The following PTPN13 variants were observed in gnomAD, a reference collection of about 807,000 sequenced individuals.
PTPN13 encodes the protein protein tyrosine phosphatase non-receptor type 13.
In PTPN13, 191 loss-of-function variants were observed where a neutral mutation model predicts 284.0. The ratio of observed to expected loss-of-function variants is 0.67; its 90% CI spans 0.60 to 0.76. The LOEUF (loss-of-function observed/expected upper bound fraction) is 0.76, where lower values mean the gene tolerates loss of function less well. PTPN13 is among the 30% of genes least tolerant of loss of function. The probability of loss-of-function intolerance (pLI) is 0.00; values close to 1 mark genes in which losing one functional copy is unlikely to be tolerated. For missense variants in PTPN13, 2,797 were observed against 2,939.9 expected, an observed-to-expected ratio of 0.95 and a Z score of 1.12; for synonymous variants, 986 against 1,022.3, an observed-to-expected ratio of 0.96 and a Z score of 0.68.
intron 7 of PTPN13, among the ~76,000 whole-genome samples, chr4:86,713,618 C>T (rs1335492406): frequency 2.0e-5 from 3 of 151,980 alleles, no homozygotes; most frequent in Admixed American, 6.6e-5. Flanking sequence ...GTTCACCATA[C>T]ACAAAGCCAG....
At chr4:86,596,263 A>G (rs1763781708) in intron 1 of PTPN13, among the ~76,000 whole-genome samples, 1 of 152,206 alleles carries the variant, frequency 6.6e-6, no homozygotes. Context: ...TTAGAGAATG[A>G]TAGCTTGCTT....
intron 2 of PTPN13, among the ~76,000 whole-genome samples, chr4:86,641,392 C>T (rs186282169): frequency 6.6e-5 from 10 of 152,142 alleles, no homozygotes; most frequent in Admixed American, 5.2e-4. Context: ...AATATGAGTG[C>T]AAGCATGCTA....
intron 1 of PTPN13, among the ~76,000 whole-genome samples, chr4:86,613,431 C>T (rs1025825387): frequency 6.6e-6 from 1 of 151,840 alleles, no homozygotes; most frequent in Non-Finnish European, 1.5e-5. Flanking sequence ...GTCAGGAGAT[C>T]GACATCATCC....
intron 2 of PTPN13, among the ~76,000 whole-genome samples, chr4:86,645,185 G>A (rs977407629): frequency 3.3e-5 from 5 of 152,012 alleles, no homozygotes; most frequent in Non-Finnish European, 7.4e-5. Flanking sequence ...GTTAGGCCCC[G>A]TCTCCAAAAA....
At chr4:86,737,092 C>G (rs185074622) in intron 15 of PTPN13, among the ~76,000 whole-genome samples, 3 of 151,952 alleles carry the variant, frequency 2.0e-5, no homozygotes, top group African/African-American at 7.2e-5. Context: ...TGCAGTTGAG[C>G]TGGGCATAGT....
At chr4:86,624,962 AG>A (rs1484386024) in intron 1 of PTPN13, among the ~76,000 whole-genome samples, 1 of 152,186 alleles carries the variant, frequency 6.6e-6, no homozygotes, top group Non-Finnish European at 1.5e-5. Flanking sequence ...GCACATGGGC[AG>A]GTATATGAAG....
At chr4:86,606,292 G>A (rs972991941) in intron 1 of PTPN13, among the ~76,000 whole-genome samples, 2 of 151,722 alleles carry the variant, frequency 1.3e-5, no homozygotes, top group African/African-American at 4.8e-5. Context: ...TATTTAAAAT[G>A]AGCCACCTAC....
intron 2 of PTPN13, among the ~76,000 whole-genome samples, chr4:86,643,004 C>T (rs1489496221): frequency 1.3e-5 from 2 of 152,066 alleles, no homozygotes; most frequent in African/African-American, 4.8e-5. Context: ...GGAACTGTTG[C>T]TCTCTGCAGA....
rs1446758760 is a variant in PTPN13 at position 86,637,874 on chromosome 4, A to C, written c.115+2503A>C. The stretch of plus-strand genomic sequence containing the variant: ...GAAATAAAGGGTATTCAATTAGGAA[A>C]AGAGGAAGTCAAATTGTCCCTGTTT... On this transcript the variant is annotated intron_variant, in intron 2 of 47. Coordinates refer to ENST00000411767, the MANE Select transcript of PTPN13 (RefSeq NM_080683.3). Among the ~76,000 whole-genome samples, 391 of 150,614 alleles carry C rather than the reference A, an allele frequency of 2.6e-3. 2 individuals carry two copies. Among genetic ancestry groups the C allele is most frequent in the African/African-American group, 9.1e-3 (372 of 40,922 alleles).
intron 1 of PTPN13, among the ~76,000 whole-genome samples, chr4:86,602,532 T>A (rs986636360): frequency 1.3e-5 from 2 of 152,150 alleles, no homozygotes; most frequent in African/African-American, 2.4e-5. Flanking sequence ...TATGGTTTCT[T>A]GTTTCAAAGT....
intron 4 of PTPN13, among the ~76,000 whole-genome samples, chr4:86,688,269 C>T (rs994061627): frequency 1.3e-5 from 2 of 152,072 alleles, no homozygotes; most frequent in Non-Finnish European, 2.9e-5. Flanking sequence ...TTTAAACTCC[C>T]GTCAGCTTGG....
At chr4:86,616,581 G>A (rs1720572039) in intron 1 of PTPN13, among the ~76,000 whole-genome samples, 1 of 152,044 alleles carries the variant, frequency 6.6e-6, no homozygotes, top group Non-Finnish European at 1.5e-5. Context: ...TGAATGGCTT[G>A]GGTCATCCCC....
Position 86,753,007 on chromosome 4 carries a change from AG to A in PTPN13, c.3167del. ...ATGTCTAATATTTAATTTATGCCAC[AG>A]GAATGACTATGCATAGTTCTGGAAA... On this transcript the variant is annotated splice_acceptor_variant, in intron 19 of 47. Transcript: ENST00000411767. LOFTEE classifies it high-confidence loss of function. 6.2e-7 allele frequency: 1 copy of A among 1,600,464 alleles called. No individual in the cohort carries two copies. The highest frequency in any genetic ancestry group is 8.5e-7 in the Non-Finnish European group (1 of 1,170,202).
intron 9 of PTPN13, among the ~76,000 whole-genome samples, chr4:86,718,107 G>A (rs1733232288): frequency 1.3e-5 from 2 of 152,058 alleles, no homozygotes; most frequent in South Asian, 4.1e-4. Context: ...GTATGCCCAG[G>A]TCCCTTACAT....
At chr4:86,758,565 C>G (rs1184420964) in intron 21 of PTPN13, 113 bp from the exon 22 acceptor site, 2 of 1,000,342 alleles carry the variant, frequency 2.0e-6, no homozygotes, top group African/African-American at 3.2e-5. Context: ...ATATGTGTTA[C>G]CTACTAATCA....
Position 86,689,784 on chromosome 4 carries a change from A to G in PTPN13, c.546+594A>G, listed in dbSNP as rs542568273. 2.0e-5 allele frequency: 14 copies of G among 701,478 alleles called. No individual in the cohort carries two copies. In the East Asian group the frequency reaches 3.5e-4, roughly 17 times the overall value. The allele number at this position is 701,478 out of a possible 1,614,324, so 43.5% of individuals were successfully genotyped here. On this transcript the variant is annotated intron_variant, in intron 5 of 47. Coordinates refer to ENST00000411767, the MANE Select transcript of PTPN13 (RefSeq NM_080683.3). ...GAATCCCAAGAATAACCAATGCTAT[A>G]TATTACCTGAAAGTCCCACCTCTGT...
intron 43 of PTPN13, among the ~76,000 whole-genome samples, chr4:86,804,822 G>T (rs921930676): frequency 6.6e-6 from 1 of 152,042 alleles, no homozygotes; most frequent in African/African-American, 2.4e-5. Context: ...TATATTTTTT[G>T]AATGAGCGAA....
At chr4:86,719,264 A>G (rs1404094971) in intron 9 of PTPN13, among the ~76,000 whole-genome samples, 1 of 152,224 alleles carries the variant, frequency 6.6e-6, no homozygotes, top group Non-Finnish European at 1.5e-5. Flanking sequence ...TTTGCTAAGG[A>G]TAATAGCCTC....
Position 86,766,547 on chromosome 4 carries a change from G to C in PTPN13, c.4329+30G>C, listed in dbSNP as rs753922116. On this transcript the variant is annotated intron_variant, in intron 27 of 47. Coordinates refer to ENST00000411767, the MANE Select transcript of PTPN13 (RefSeq NM_080683.3). ...CAGATCATTATACCAACCTTTTACAGTACCTTAGAAGAGCAAAACAATGTG... is the reference window on the plus strand; with the variant it reads ...CAGATCATTATACCAACCTTTTACACTACCTTAGAAGAGCAAAACAATGTG... 4.0e-6 allele frequency: 6 copies of C among 1,491,812 alleles called. No individual in the cohort carries two copies. The African/African-American group carries it at 8.4e-5, about 21-fold the overall frequency. The allele number at this position is 1,491,812 out of a possible 1,614,324, so 92.4% of individuals were successfully genotyped here. A position where few individuals can be genotyped will look rare whatever the true frequency, so the allele number is the denominator to read the frequency against.
Sources: allele counts gnomAD v4.1 joint callset (sites outside exome capture counted in the v4.1 genomes callset), GRCh38; gene constraint gnomAD v4.1.1; transcripts MANE v1.5; gene names NCBI Gene and HGNC (gene_info 2026-07-23, HGNC 2026-07-21).